The following PTPRJ variants were observed in gnomAD, a reference collection of about 807,000 sequenced individuals.
The protein encoded by PTPRJ is protein tyrosine phosphatase receptor type J, also known as receptor-type tyrosine-protein phosphatase eta.
PTPRJ carries 129 observed loss-of-function variants against 141.3 expected under a neutral mutation model. The observed-to-expected ratio is 0.91, with a 90% CI of 0.79 to 1.06. The LOEUF is 1.06. PTPRJ is among the 50% of genes least tolerant of loss of function. The pLI, the probability that PTPRJ is intolerant of heterozygous loss-of-function variation, is 0.00. For missense variants in PTPRJ, 1,601 were observed against 1,679.7 expected (o/e 0.95, Z 0.82); for synonymous variants, 610 against 640.5 (o/e 0.95, Z 0.72).
chr11:48,136,877 G>A, intron 9 of PTPRJ, 126 bp from the exon 10 acceptor site: 1 of 951,388 alleles, frequency 1.1e-6, no homozygotes, highest in East Asian at 2.6e-5. Context: ...CATCTTTTGA[G>A]CCAGCAAATA....
intron 1 of PTPRJ, among the ~76,000 whole-genome samples, chr11:48,008,341 ACCTCCG>A: frequency 6.6e-6 from 1 of 152,106 alleles, no homozygotes; most frequent in South Asian, 2.1e-4. Flanking sequence ...GCTCACTGCA[ACCTCCG>A]CCTCCTGGGT....
At chr11:48,035,538 C>CTTTTTTTTTTTTTTTTTTTTTT (rs66504227) in intron 1 of PTPRJ, among the ~76,000 whole-genome samples, 51 of 61,760 alleles carry the variant, frequency 8.3e-4, no homozygotes, top group South Asian at 3.5e-3. Flanking sequence ...CTTTCTTCTT[C>CTTTTTTTTTTTTTTTTTTTTTT]TTTTTTTTTT....
chr11:48,018,722 C>T (rs745815238), intron 1 of PTPRJ, among the ~76,000 whole-genome samples: 22 of 152,104 alleles, frequency 1.4e-4, no homozygotes, highest in Admixed American at 6.5e-4. Context: ...ACTGGGGGTG[C>T]GGAATGTGGC....
chr11:48,009,257 T>A (rs1361634995), intron 1 of PTPRJ, among the ~76,000 whole-genome samples: 2 of 152,182 alleles, frequency 1.3e-5, no homozygotes, highest in Non-Finnish European at 2.9e-5. Flanking sequence ...GTTTATGCTA[T>A]AAGAAATTTA....
intron 1 of PTPRJ, among the ~76,000 whole-genome samples, chr11:48,081,973 A>T (rs754492182): frequency 2.0e-5 from 3 of 152,134 alleles, no homozygotes; most frequent in Non-Finnish European, 4.4e-5. Context: ...ACTAGAACAG[A>T]AGGTCCCAGA....
intron 21 of PTPRJ, among the ~76,000 whole-genome samples, chr11:48,156,450 G>A (rs542784110): frequency 3.9e-5 from 6 of 152,158 alleles, no homozygotes; most frequent in Admixed American, 3.3e-4. Flanking sequence ...TTGGCCCCAT[G>A]AACACGGACA....
At chr11:48,143,197 G>T in intron 12 of PTPRJ, 147 bp downstream of exon 12, 2 of 1,136,312 alleles carry the variant, frequency 1.8e-6, no homozygotes, top group Non-Finnish European at 1.2e-6. Flanking sequence ...AGAGAAGGAG[G>T]GTGAGGTATT....
At chr11:48,048,186 C>T (rs1330471950) in intron 1 of PTPRJ, among the ~76,000 whole-genome samples, 1 of 152,174 alleles carries the variant, frequency 6.6e-6, no homozygotes, top group Non-Finnish European at 1.5e-5. Context: ...ACCTGGGTCC[C>T]TCCTTCCCTT....
At chr11:48,107,327 C>A (rs1196103563) in intron 1 of PTPRJ, among the ~76,000 whole-genome samples, 1 of 152,082 alleles carries the variant, frequency 6.6e-6, no homozygotes, top group East Asian at 1.9e-4. Flanking sequence ...AGAACCATCT[C>A]TAGGGCAGTT....
chr11:48,021,676 T>C (rs897626953), intron 1 of PTPRJ, among the ~76,000 whole-genome samples: 16 of 152,280 alleles, frequency 1.1e-4, no homozygotes, highest in Admixed American at 7.8e-4. Flanking sequence ...CCCCCAAGCA[T>C]GCAGCACCTG....
chr11:47,994,993 T>A (rs1206025772), intron 1 of PTPRJ, among the ~76,000 whole-genome samples: 1 of 152,228 alleles, frequency 6.6e-6, no homozygotes, highest in African/African-American at 2.4e-5. Flanking sequence ...TGACAATATA[T>A]TGCAAACGTT....
intron 1 of PTPRJ, among the ~76,000 whole-genome samples, chr11:48,102,143 A>G (rs1182498077): frequency 1.3e-5 from 2 of 152,216 alleles, no homozygotes; most frequent in African/African-American, 4.8e-5. Flanking sequence ...ATGGACAAAA[A>G]GATGGAAAAG....
chr11:48,003,572 T>C (rs542418974), intron 1 of PTPRJ, among the ~76,000 whole-genome samples: 7 of 152,366 alleles, frequency 4.6e-5, no homozygotes, highest in Non-Finnish European at 8.8e-5. Context: ...CTTGGTTCAC[T>C]GCAACGTCCG....
chr11:48,088,700 C>T (rs1446901905), intron 1 of PTPRJ, among the ~76,000 whole-genome samples: 1 of 152,122 alleles, frequency 6.6e-6, no homozygotes, highest in Non-Finnish European at 1.5e-5. Flanking sequence ...CTCCATGTTA[C>T]TTGAGTAACA....
At position 48,144,628 on chromosome 11, in the gene PTPRJ, C is replaced by G; in HGVS notation, c.2576-47C>G. Reference sequence around the variant, plus strand: ...TGTAGATATGCAGGAGAAGAAATCTCTCTGCCATCACTTTCTTATGATTCT... The same window carrying G: ...TGTAGATATGCAGGAGAAGAAATCTGTCTGCCATCACTTTCTTATGATTCT... On this transcript the variant is annotated intron_variant, in intron 12 of 24. Transcript: ENST00000418331. 3 of 1,451,352 alleles carry G rather than the reference C, an allele frequency of 2.1e-6. No individual in the cohort carries two copies. In the South Asian group the frequency reaches 3.5e-5, roughly 17 times the overall value. 89.9% of individuals were successfully genotyped at this position (1,451,352 alleles called of 1,614,324 possible).
chr11:48,060,080 A>G lies in PTPRJ; in HGVS notation c.97-49978A>G, dbSNP rs556951392. Among the ~76,000 whole-genome samples the G allele has an allele frequency of 1.4e-4, 21 of 152,270 alleles. No individual in the cohort carries two copies. The South Asian group carries it at 2.9e-3, about 21-fold the overall frequency. ...TGGTAAACGGAGTGATTGGCCCCCA[A>G]TTAGCTTGCTGTTCGGATTAACTGT... On this transcript the variant is annotated intron_variant, in intron 1 of 24. Coordinates refer to ENST00000418331, the MANE Select transcript of PTPRJ (RefSeq NM_002843.4).
intron 1 of PTPRJ, among the ~76,000 whole-genome samples, chr11:48,062,400 C>T (rs928157206): frequency 4.0e-5 from 6 of 151,798 alleles, no homozygotes; most frequent in African/African-American, 1.5e-4. Context: ...GTAGTACCAG[C>T]TACTTGGGAG....
intron 21 of PTPRJ, among the ~76,000 whole-genome samples, chr11:48,159,717 G>A (rs1361352570): frequency 6.6e-6 from 1 of 152,110 alleles, no homozygotes; most frequent in Non-Finnish European, 1.5e-5. Context: ...GATCTCATTT[G>A]TGAATAGCCA....
chr11:48,162,570 A>G (rs1260276710), intron 22 of PTPRJ, among the ~76,000 whole-genome samples: 1 of 152,176 alleles, frequency 6.6e-6, no homozygotes, highest in Admixed American at 6.5e-5. Context: ...CAAATTTTGA[A>G]TACTGCACAT....
Sources: gnomAD v4.1 joint callset for allele counts (sites outside exome capture counted in the v4.1 genomes callset) on GRCh38, gnomAD v4.1.1 for gene constraint, MANE v1.5 for transcripts, NCBI Gene and HGNC (gene_info 2026-07-23, HGNC 2026-07-21) for gene names.